The following KDM4C variants were observed in gnomAD, a reference collection of about 807,000 sequenced individuals.
KDM4C encodes the protein lysine demethylase 4C, also known as lysine-specific demethylase 4C.
Under a neutral mutation model 129.3 loss-of-function variants are expected in KDM4C, and 81 were observed. The ratio of observed to expected loss-of-function variants is 0.63; its 90% CI spans 0.52 to 0.75. The LOEUF (loss-of-function observed/expected upper bound fraction) is 0.75, where lower values mean the gene tolerates loss of function less well. Among genes scored for constraint, KDM4C ranks in the 30% least tolerant of loss-of-function variants. KDM4C has a pLI of 0.00. For missense variants in KDM4C, 1,457 were observed against 1,304.0 expected, an observed-to-expected ratio of 1.12 and a Z score of -1.81; for synonymous variants, 573 against 456.1, an observed-to-expected ratio of 1.26 and a Z score of -3.26.
At chr9:7,010,460 A>G (rs756058654) in intron 12 of KDM4C, among the ~76,000 whole-genome samples, 9 of 152,328 alleles carry the variant, frequency 5.9e-5, no homozygotes, top group Non-Finnish European at 1.2e-4. Flanking sequence ...TTTTTCTAAA[A>G]CAGGTAAGTC....
At chr9:7,138,632 T>C (rs891607264) in intron 19 of KDM4C, among the ~76,000 whole-genome samples, 7 of 151,962 alleles carry the variant, frequency 4.6e-5, no homozygotes, top group African/African-American at 1.7e-4. Context: ...CTGGGCAACA[T>C]AGAAAGACCT....
intron 5 of KDM4C, among the ~76,000 whole-genome samples, chr9:6,876,777 C>G (rs775580186): frequency 4.6e-5 from 7 of 152,128 alleles, no homozygotes; most frequent in South Asian, 2.1e-4. Context: ...CAAGGGCTGT[C>G]TGTCAGCCTA....
chr9:6,775,047 G>C (rs1206477909), intron 1 of KDM4C, among the ~76,000 whole-genome samples: 2 of 152,096 alleles, frequency 1.3e-5, no homozygotes, highest in Non-Finnish European at 1.5e-5. Flanking sequence ...GTCTCTCTCT[G>C]TTGCCCAGGT....
intron 18 of KDM4C, among the ~76,000 whole-genome samples, chr9:7,114,848 G>T (rs896861397): frequency 6.6e-6 from 1 of 152,122 alleles, no homozygotes; most frequent in African/African-American, 2.4e-5. Flanking sequence ...GCTCCCACCT[G>T]TAGTCCCAGC....
At chr9:7,149,700 G>A (rs1025885660) in intron 19 of KDM4C, among the ~76,000 whole-genome samples, 14 of 152,248 alleles carry the variant, frequency 9.2e-5, no homozygotes, top group Admixed American at 2.0e-4. Context: ...ACAAATGCAG[G>A]TAGTGTTTGT....
At chr9:6,759,615 CTT>C (rs371468225) in intron 1 of KDM4C, among the ~76,000 whole-genome samples, 49 of 152,216 alleles carry the variant, frequency 3.2e-4, no homozygotes, top group African/African-American at 5.8e-4. Context: ...AAACCGAAGA[CTT>C]ATTTCTTTTT....
intron 18 of KDM4C, among the ~76,000 whole-genome samples, chr9:7,124,855 C>G (rs1276838844): frequency 6.6e-6 from 1 of 152,126 alleles, no homozygotes; most frequent in African/African-American, 2.4e-5. Flanking sequence ...CACTAGATGA[C>G]AGAGATGGTT....
chr9:6,977,167 C>T (rs946892355), intron 8 of KDM4C, among the ~76,000 whole-genome samples: 1 of 152,254 alleles, frequency 6.6e-6, no homozygotes, highest in East Asian at 1.9e-4. Flanking sequence ...ATATTTAAAT[C>T]TTCAAAATAA....
At chr9:7,172,943 T>G (rs1845108309) in intron 21 of KDM4C, among the ~76,000 whole-genome samples, 1 of 152,212 alleles carries the variant, frequency 6.6e-6, no homozygotes, top group South Asian at 2.1e-4. Flanking sequence ...AGTAGGGAAT[T>G]GGGAAGCAAA....
At chr9:7,050,217 A>G (rs562736095) in intron 17 of KDM4C, among the ~76,000 whole-genome samples, 1 of 151,950 alleles carries the variant, frequency 6.6e-6, no homozygotes, top group Admixed American at 6.6e-5. Context: ...TAGGAAATAT[A>G]TGGGCCTTTC....
chr9:6,873,051 T>C (rs930152534), intron 5 of KDM4C, among the ~76,000 whole-genome samples: 8 of 152,120 alleles, frequency 5.3e-5, no homozygotes, highest in Non-Finnish European at 1.0e-4. Context: ...CTCAGCCTTC[T>C]GAGTAGTTGG....
At chr9:6,796,668 C>G (rs867521889) in intron 2 of KDM4C, among the ~76,000 whole-genome samples, 2 of 152,180 alleles carry the variant, frequency 1.3e-5, no homozygotes, top group African/African-American at 2.4e-5. Context: ...TGAGTCCAGA[C>G]CGTGCCTCAT....
intron 5 of KDM4C, among the ~76,000 whole-genome samples, chr9:6,859,988 A>G (rs1437081333): frequency 6.6e-6 from 1 of 152,208 alleles, no homozygotes; most frequent in Non-Finnish European, 1.5e-5. Flanking sequence ...AGGAGAAAAG[A>G]AAAGAGTAAA....
chr9:6,813,273 T>C (rs1393529675), intron 3 of KDM4C, among the ~76,000 whole-genome samples: 3 of 152,210 alleles, frequency 2.0e-5, no homozygotes, highest in Non-Finnish European at 1.5e-5. Flanking sequence ...TGAGCTCAAA[T>C]GATCTTCCTG....
rs919522337 is a variant in KDM4C, at chr9:6,827,903, C to T, written c.435+13158C>T. ...AGTGAAGCAGGTCAGCTTGCATGAC[C>T]CCAAAAGTTATCATCCAGACAGGGG... On this transcript the variant is annotated intron_variant, in intron 4 of 21. Transcript: ENST00000381309. Among the ~76,000 whole-genome samples the T allele has an allele frequency of 2.0e-5, 3 of 152,218 alleles. No homozygotes were observed. The South Asian group carries it at 6.2e-4, about 32-fold the overall frequency.
intron 1 of KDM4C, among the ~76,000 whole-genome samples, chr9:6,734,345 AGTGCAATGGC>A (rs1221859646): frequency 1.7e-5 from 2 of 120,746 alleles, no homozygotes; most frequent in South Asian, 5.7e-4. Flanking sequence ...CCCAGGCTGG[AGTGCAATGGC>A]GTGGTCTCAG....
At chr9:6,764,495 T>A (rs1378468079) in intron 1 of KDM4C, among the ~76,000 whole-genome samples, 1 of 152,212 alleles carries the variant, frequency 6.6e-6, no homozygotes, top group Non-Finnish European at 1.5e-5. Context: ...GTAGATTAAC[T>A]TGTACTATGT....
intron 4 of KDM4C, among the ~76,000 whole-genome samples, chr9:6,831,680 G>C (rs1190541545): frequency 6.6e-6 from 1 of 152,138 alleles, no homozygotes; most frequent in Non-Finnish European, 1.5e-5. Flanking sequence ...CCTGGTAGAT[G>C]CCTGAGCCTA....
At chr9:7,019,598 C>T (rs1024754602) in intron 15 of KDM4C, among the ~76,000 whole-genome samples, 11 of 150,546 alleles carry the variant, frequency 7.3e-5, no homozygotes, top group South Asian at 4.2e-4. Flanking sequence ...TGCTTTTCAA[C>T]GCCTCGTGTT....
Sources: gnomAD v4.1 joint callset for allele counts (sites outside exome capture counted in the v4.1 genomes callset) on GRCh38, gnomAD v4.1.1 for gene constraint, MANE v1.5 for transcripts, NCBI Gene and HGNC (gene_info 2026-07-23, HGNC 2026-07-21) for gene names.